The following KALRN variants were observed in gnomAD, a reference collection of about 807,000 sequenced individuals.
KALRN encodes the protein kalirin.
KALRN carries 70 observed loss-of-function variants against 353.7 expected under a neutral mutation model. The observed-to-expected ratio is 0.20, with a 90% CI of 0.16 to 0.24. The LOEUF (loss-of-function observed/expected upper bound fraction) is 0.24. Ranked by LOEUF, KALRN falls within the 10% of genes least tolerant of loss-of-function variation. The pLI, the probability that KALRN is intolerant of heterozygous loss-of-function variation, is 1.00. For synonymous variants in KALRN, 1,391 were observed against 1,434.8 expected (o/e 0.97, Z 0.69); for missense variants, 2,791 against 3,756.7 (o/e 0.74, Z 6.72).
intron 54 of KALRN, among the ~76,000 whole-genome samples, chr3:124,697,286 A>G (rs1298794023): frequency 1.3e-5 from 2 of 152,212 alleles, no homozygotes; most frequent in Non-Finnish European, 2.9e-5. Flanking sequence ...GTTCTGGCAA[A>G]TGAGACGAGA....
At chr3:124,100,832 C>T (rs1578060570) in intron 1 of KALRN, among the ~76,000 whole-genome samples, 1 of 152,164 alleles carries the variant, frequency 6.6e-6, no homozygotes, top group East Asian at 1.9e-4. Flanking sequence ...CTTCCACCTC[C>T]AGCCAATTAA....
At chr3:124,341,637 A>G (rs1404437256) in intron 9 of KALRN, among the ~76,000 whole-genome samples, 1 of 152,150 alleles carries the variant, frequency 6.6e-6, no homozygotes, top group African/African-American at 2.4e-5. Flanking sequence ...GTTCACTCCA[A>G]AGTTCTGCAT....
intron 48 of KALRN, among the ~76,000 whole-genome samples, chr3:124,673,138 A>G (rs1446244759): frequency 6.6e-6 from 1 of 152,164 alleles, no homozygotes; most frequent in East Asian, 1.9e-4. Context: ...TAATCCCAGC[A>G]CTTTGGGAGG....
intron 33 of KALRN, among the ~76,000 whole-genome samples, chr3:124,545,482 G>A (rs1031997104): frequency 6.6e-6 from 1 of 151,992 alleles, no homozygotes; most frequent in Non-Finnish European, 1.5e-5. Context: ...TTTTTTTCAA[G>A]AATCCATTTC....
intron 33 of KALRN, among the ~76,000 whole-genome samples, chr3:124,560,062 CTG>C (rs2071776042): frequency 6.6e-6 from 1 of 152,334 alleles, no homozygotes; most frequent in African/African-American, 2.4e-5. Flanking sequence ...TCGCCAGGAA[CTG>C]TGTCTTGAAT....
chr3:124,176,980 G>T (rs993784541), intron 1 of KALRN, among the ~76,000 whole-genome samples: 2 of 152,180 alleles, frequency 1.3e-5, no homozygotes, highest in African/African-American at 4.8e-5. Flanking sequence ...AGGGCAGAGA[G>T]GCCCATTGGG....
chr3:124,319,208 A>G (rs1560551457), intron 6 of KALRN, among the ~76,000 whole-genome samples: 3 of 152,102 alleles, frequency 2.0e-5, no homozygotes, highest in South Asian at 4.1e-4. Flanking sequence ...CCAAATGCCT[A>G]TAATCCCAGT....
chr3:124,247,876 T>C (rs1224634332), intron 3 of KALRN, among the ~76,000 whole-genome samples: 2 of 151,094 alleles, frequency 1.3e-5, no homozygotes, highest in African/African-American at 4.9e-5. Context: ...CCTCTGTCAC[T>C]TGTATTGAAA....
chr3:124,462,273 C>T (rs2059925942), intron 24 of KALRN, among the ~76,000 whole-genome samples: 1 of 152,100 alleles, frequency 6.6e-6, no homozygotes. Flanking sequence ...GCATCCTGAC[C>T]CCCATAAAAG....
At chr3:124,711,088 C>G (rs1193373642) in intron 57 of KALRN, among the ~76,000 whole-genome samples, 1 of 152,066 alleles carries the variant, frequency 6.6e-6, no homozygotes, top group Non-Finnish European at 1.5e-5. Context: ...CCATTTTGAC[C>G]AAATATTTGC....
chr3:124,697,478 T>C, intron 54 of KALRN, 115 bp from the exon 55 acceptor site: 1 of 1,046,334 alleles, frequency 9.6e-7, no homozygotes, highest in Non-Finnish European at 1.3e-6. Context: ...GTGGAGAAGG[T>C]CACAGGAAAA....
chr3:124,686,315 A>G (rs1049362709), intron 51 of KALRN, among the ~76,000 whole-genome samples: 4 of 152,184 alleles, frequency 2.6e-5, no homozygotes, highest in Non-Finnish European at 4.4e-5. Context: ...ACATCATCAC[A>G]TAGGTACTAT....
chr3:124,445,907 G>A (rs191180390), intron 19 of KALRN, among the ~76,000 whole-genome samples: 1 of 152,344 alleles, frequency 6.6e-6, no homozygotes, highest in African/African-American at 2.4e-5. Flanking sequence ...AGTCACTGGT[G>A]TTATATTCTT....
intron 1 of KALRN, among the ~76,000 whole-genome samples, chr3:124,175,853 C>G (rs578157350): frequency 6.6e-6 from 1 of 152,346 alleles, no homozygotes; most frequent in East Asian, 1.9e-4. Context: ...CCTCTATTCT[C>G]TAGCTGTCCT....
At chr3:124,328,273 T>C (rs11922831) in intron 7 of KALRN, among the ~76,000 whole-genome samples, 8,017 of 152,268 alleles carry the variant, frequency 0.053, 674 homozygotes, top group African/African-American at 0.18. Flanking sequence ...CATGAGAATA[T>C]TGCTGTCCAA....
At chr3:124,469,900 G>A (rs1331841604) in intron 25 of KALRN, among the ~76,000 whole-genome samples, 1 of 152,180 alleles carries the variant, frequency 6.6e-6, no homozygotes, top group Non-Finnish European at 1.5e-5. Flanking sequence ...CAGAAGCAGT[G>A]AGATTTTAGA....
intron 5 of KALRN, among the ~76,000 whole-genome samples, chr3:124,290,330 G>C (rs1390566367): frequency 1.3e-5 from 2 of 152,188 alleles, no homozygotes; most frequent in Admixed American, 1.3e-4. Context: ...AGGTCAAAGT[G>C]AGTGAGAACT....
chr3:124,305,566 G>C (rs191330575), intron 6 of KALRN, among the ~76,000 whole-genome samples: 74 of 152,300 alleles, frequency 4.9e-4, no homozygotes, highest in Admixed American at 1.2e-3. Flanking sequence ...GGTACCAGCT[G>C]GGTGTGGTCA....
At chr3:124,258,542 C>A (rs1249448569) in intron 3 of KALRN, among the ~76,000 whole-genome samples, 2 of 152,130 alleles carry the variant, frequency 1.3e-5, no homozygotes, top group Admixed American at 6.6e-5. Context: ...CAATTCTATT[C>A]TTGACTCAGA....
Sources: gnomAD v4.1 joint callset for allele counts (sites outside exome capture counted in the v4.1 genomes callset) on GRCh38, gnomAD v4.1.1 for gene constraint, MANE v1.5 for transcripts, NCBI Gene and HGNC (gene_info 2026-07-23, HGNC 2026-07-21) for gene names.